USP22: variants seen among roughly 807,000 people sequenced by gnomAD.
USP22 encodes ubiquitin carboxyl-terminal hydrolase 22.
USP22 carries 22 observed loss-of-function variants against 68.1 expected under a neutral mutation model. That is an observed-to-expected ratio of 0.32 (90% CI 0.23 to 0.46). USP22 has a LOEUF of 0.46. Ranked by LOEUF, USP22 falls within the 20% of genes least tolerant of loss-of-function variation. The pLI, the probability that USP22 is intolerant of heterozygous loss-of-function variation, is 1.00. For synonymous variants in USP22, 279 were observed against 274.2 expected, an observed-to-expected ratio of 1.02 and a Z score of -0.17; for missense variants, 433 against 695.8, an observed-to-expected ratio of 0.62 and a Z score of 4.25.
rs550182180 is a variant in USP22, at chr17:21,000,046, A to G, written c.*2985T>C. 33 of 152,358 alleles carry G rather than the reference A, an allele frequency of 2.2e-4. No homozygotes were observed. Among genetic ancestry groups the G allele is most frequent in the African/African-American group, 7.0e-4 (29 of 41,574 alleles). 9.4% of individuals were successfully genotyped at this position (152,358 alleles called of 1,614,324 possible). A position where few individuals can be genotyped will look rare whatever the true frequency, so the allele number is the denominator to read the frequency against. The stretch of plus-strand genomic sequence containing the variant: ...CAAAGCACTCCCTTCAGGCATCTGA[A>G]GAGGGAAAGGCCATGTGTCTTCCTG... On this transcript the variant is annotated 3_prime_UTR_variant, in exon 13 of 13. Transcript: ENST00000261497.
chr17:21,034,490 T>C lies in USP22; in HGVS notation c.172-5816A>G, dbSNP rs373708620. 2.0e-4 allele frequency among the ~76,000 whole-genome samples: 31 copies of C among 152,258 alleles called. No homozygotes were observed. The South Asian group carries it at 3.5e-3, about 17-fold the overall frequency. ...CCCACAGTCAACCTCAGTCTGAAAA[T>C]AGTAACATGGAAATGCCAGAAATAA... is the stretch of plus-strand genomic sequence containing the variant. On this transcript the variant is annotated intron_variant, in intron 1 of 12. Coordinates refer to ENST00000261497, the MANE Select transcript of USP22 (RefSeq NM_015276.2).
chr17:21,022,104 A>T (rs1972163936), intron 2 of USP22, among the ~76,000 whole-genome samples: 2 of 152,094 alleles, frequency 1.3e-5, no homozygotes, highest in African/African-American at 2.4e-5. Context: ...TGTCTCAAAA[A>T]ATAAAAATAA....
rs1913590204 is a variant in USP22 at position 21,001,823 on chromosome 17, A to G, written c.*1208T>C. ...ACCATCTCTGTTTGAATTTGAATAC[A>G]CAGATACATGCAAGATATCTTACAA... On this transcript the variant is annotated 3_prime_UTR_variant, in exon 13 of 13. Transcript: ENST00000261497. 1 of 152,274 alleles carries G rather than the reference A, an allele frequency of 6.6e-6. No homozygotes were observed. The highest frequency in any genetic ancestry group is 6.5e-5 in the Admixed American group (1 of 15,290). The allele number at this position is 152,274 out of a possible 1,614,324, so 9.4% of individuals were successfully genotyped here.
intron 2 of USP22, among the ~76,000 whole-genome samples, chr17:21,027,125 C>A (rs945284372): frequency 1.3e-5 from 2 of 151,412 alleles, no homozygotes; most frequent in Admixed American, 6.6e-5. Context: ...GGAAGTCACT[C>A]GGCCTCCCAA....
intron 1 of USP22, among the ~76,000 whole-genome samples, chr17:21,032,587 C>T (rs541457471): frequency 7.9e-5 from 12 of 152,132 alleles, no homozygotes; most frequent in African/African-American, 2.7e-4. Context: ...ACAGCAGGCC[C>T]GGTCACTCAC....
At chr17:21,009,524 T>G (rs1451085210) in intron 8 of USP22, among the ~76,000 whole-genome samples, 2 of 152,194 alleles carry the variant, frequency 1.3e-5, no homozygotes, top group African/African-American at 4.8e-5. Flanking sequence ...ATCATGTCTC[T>G]CCTAACAACA....
rs147281470 is a variant in USP22, at chr17:21,015,280, C to A, written c.838+472G>T. On this transcript the variant is annotated intron_variant, in intron 6 of 12. Transcript: ENST00000261497. Reference sequence around the variant, plus strand: ...AGGTCCAATGAGACCCCAAGAGAAGCTTTGCTCGTCCTGTGTCCCAGCTCT... The same window carrying A: ...AGGTCCAATGAGACCCCAAGAGAAGATTTGCTCGTCCTGTGTCCCAGCTCT... Among the ~76,000 whole-genome samples the A allele has an allele frequency of 2.9e-3, 449 of 152,332 alleles. 4 individuals carry two copies. Among genetic ancestry groups the A allele is most frequent in the African/African-American group, 0.01 (431 of 41,574 alleles).
In USP22 at chr17:21,015,505, G is replaced by C. The variant is rs545759744; in HGVS notation, c.838+247C>G. 78 of 461,324 alleles carry C rather than the reference G, an allele frequency of 1.7e-4. 2 individuals carry two copies. In the South Asian group the frequency reaches 2.8e-3, roughly 17 times the overall value. The allele number at this position is 461,324 out of a possible 1,614,324, so 28.6% of individuals were successfully genotyped here. A position where few individuals can be genotyped will look rare whatever the true frequency, so the allele number is the denominator to read the frequency against. On this transcript the variant is annotated intron_variant, in intron 6 of 12. Transcript: ENST00000261497. ...CAAGAGTTTGCTGTTCACTGTGATC[G>C]GTCACTGAGGACCTGTCATACTGCT...
Position 21,021,081 on chromosome 17 carries a change from G to A in USP22, c.418+32C>T, listed in dbSNP as rs759184673. The A allele has an allele frequency of 1.4e-5, 21 of 1,543,368 alleles. No homozygotes were observed. In the South Asian group the frequency reaches 2.3e-4, roughly 17 times the overall value. ...CTTGATGGACATGAGGGAACTGCAG[G>A]ATCAAGCAGGTAAACTGAGGTGGAA... On this transcript the variant is annotated intron_variant, in intron 3 of 12. Transcript: ENST00000261497.
At chr17:21,015,923 C>T (rs1274980244) in intron 5 of USP22, 24 bp from the exon 6 acceptor site, 1 of 1,611,520 alleles carries the variant, frequency 6.2e-7, no homozygotes, top group Non-Finnish European at 8.5e-7. Context: ...GGGAAGGAAA[C>T]CTTGTCAGGA....
chr17:21,006,855 C>T, intron 10 of USP22, 41 bp downstream of exon 10: 10 of 1,490,260 alleles, frequency 6.7e-6, no homozygotes, highest in Non-Finnish European at 9.1e-6. Flanking sequence ...GATAGGATCA[C>T]AGCCCCTCAG....
intron 7 of USP22, 127 bp downstream of exon 7, chr17:21,012,703 T>G: frequency 1.2e-6 from 1 of 830,642 alleles, no homozygotes; most frequent in Non-Finnish European, 1.9e-6. Flanking sequence ...TCTCATGGCG[T>G]CTATTAATCA....
chr17:21,041,561 G>A (rs1320046546), intron 1 of USP22, among the ~76,000 whole-genome samples: 1 of 152,158 alleles, frequency 6.6e-6, no homozygotes, highest in Non-Finnish European at 1.5e-5. Flanking sequence ...TCGCGCCACT[G>A]CACTCCAGCC....
intron 8 of USP22, among the ~76,000 whole-genome samples, chr17:21,009,905 A>G (rs1913897078): frequency 6.6e-6 from 1 of 151,946 alleles, no homozygotes; most frequent in Non-Finnish European, 1.5e-5. Flanking sequence ...CAGTGAGCCA[A>G]GATCGCGCCA....
At chr17:21,029,057 C>G (rs1376700732) in intron 1 of USP22, among the ~76,000 whole-genome samples, 1 of 152,176 alleles carries the variant, frequency 6.6e-6, no homozygotes, top group Admixed American at 6.5e-5. Context: ...TTTGCAAATC[C>G]AGGTTCCAGG....
intron 2 of USP22, among the ~76,000 whole-genome samples, chr17:21,028,225 C>T (rs930596958): frequency 6.6e-6 from 1 of 152,088 alleles, no homozygotes; most frequent in African/African-American, 2.4e-5. Context: ...TAAATGTTTG[C>T]CTAAGGTGAT....
intron 7 of USP22, chr17:21,011,589 C>CT: frequency 2.5e-6 from 1 of 397,752 alleles, no homozygotes; most frequent in South Asian, 2.3e-5. Context: ...CACTGAGGGA[C>CT]TTGGGAGGAG....
chr17:21,042,586 G>A, intron 1 of USP22, 79 bp downstream of exon 1: 1 of 1,247,202 alleles, frequency 8.0e-7, no homozygotes, highest in Non-Finnish European at 1.0e-6. Context: ...AAGAGGGCAG[G>A]AAAAGGGCCC....
At chr17:21,008,340 A>G (rs926517037) in intron 8 of USP22, among the ~76,000 whole-genome samples, 3 of 152,212 alleles carry the variant, frequency 2.0e-5, no homozygotes, top group African/African-American at 4.8e-5. Context: ...GTTACTCACG[A>G]GAGTCACAAA....
Sources: gnomAD v4.1 joint callset for allele counts (sites outside exome capture counted in the v4.1 genomes callset) on GRCh38, gnomAD v4.1.1 for gene constraint, MANE v1.5 for transcripts, NCBI Gene and HGNC (gene_info 2026-07-23, HGNC 2026-07-21) for gene names.